C1QTNF3: variants seen among roughly 807,000 people sequenced by gnomAD.
The protein encoded by C1QTNF3 is complement C1q tumor necrosis factor-related protein 3.
In C1QTNF3, 26 loss-of-function variants were observed where a neutral mutation model predicts 32.6. The observed-to-expected ratio is 0.80, with a 90% CI of 0.58 to 1.11. The LOEUF (loss-of-function observed/expected upper bound fraction) is 1.11, where lower values mean the gene tolerates loss of function less well. Among genes scored for constraint, C1QTNF3 ranks in the 50% least tolerant of loss-of-function variants. C1QTNF3 has a pLI of 0.00. For missense variants in C1QTNF3, 362 were observed against 398.2 expected, an observed-to-expected ratio of 0.91 and a Z score of 0.77; for synonymous variants, 155 against 146.0, an observed-to-expected ratio of 1.06 and a Z score of -0.44.
chr5:34,217,197 AT>A, the C1QTNF3 span, among the ~76,000 whole-genome samples: 1 of 152,164 alleles, frequency 6.6e-6, no homozygotes, highest in Non-Finnish European at 1.5e-5. Flanking sequence ...TATTAACTTG[AT>A]GAATACAATT....
rs1406281764 is a variant in C1QTNF3, at chr5:34,018,755, G to A, written c.*1828C>T. Among the ~76,000 whole-genome samples the A allele has an allele frequency of 6.6e-6, 1 of 152,120 alleles. No homozygotes were observed. Among genetic ancestry groups the A allele is most frequent in the Non-Finnish European group, 1.5e-5 (1 of 68,026 alleles). ...GAAAATTACCAAGGCTGATCATTAT[G>A]TGAAACAGTTCTACACCATATTACA... On this transcript the variant is annotated 3_prime_UTR_variant, in exon 6 of 6. Coordinates refer to ENST00000382065, the MANE Select transcript of C1QTNF3 (RefSeq NM_181435.6).
At chr5:34,063,940 C>T in the C1QTNF3 span, among the ~76,000 whole-genome samples, 1 of 152,166 alleles carries the variant, frequency 6.6e-6, no homozygotes, top group Non-Finnish European at 1.5e-5. Flanking sequence ...GCATGGGCGA[C>T]TGTTAAGTAG....
the C1QTNF3 span, among the ~76,000 whole-genome samples, chr5:34,130,430 T>C: frequency 6.6e-6 from 1 of 151,232 alleles, no homozygotes; most frequent in Non-Finnish European, 1.5e-5. Flanking sequence ...AAGAACACTT[T>C]GCCCTGGAGC....
chr5:34,134,305 T>C, the C1QTNF3 span, among the ~76,000 whole-genome samples: 1 of 152,050 alleles, frequency 6.6e-6, no homozygotes, highest in East Asian at 1.9e-4. Context: ...TGCACAGTCA[T>C]AACATCTATA....
the C1QTNF3 span, among the ~76,000 whole-genome samples, chr5:34,221,540 CCAGT>C: frequency 1.3e-5 from 2 of 152,006 alleles, no homozygotes; most frequent in South Asian, 4.1e-4. Flanking sequence ...GAAATGGCTG[CCAGT>C]CAATGTTACA....
chr5:34,162,926 C>T, the C1QTNF3 span, among the ~76,000 whole-genome samples: 1 of 152,058 alleles, frequency 6.6e-6, no homozygotes, highest in Non-Finnish European at 1.5e-5. Flanking sequence ...AATTTCAATG[C>T]TACAGAGAAG....
the C1QTNF3 span, among the ~76,000 whole-genome samples, chr5:34,132,435 G>GTATATATATATATATATATATATATATA: frequency 2.2e-5 from 3 of 137,732 alleles, no homozygotes; most frequent in Non-Finnish European, 4.6e-5. Flanking sequence ...GTATGTGTAT[G>GTATATATATATATATATATATATATATA]TATATATATA....
At chr5:34,146,380 C>A in the C1QTNF3 span, among the ~76,000 whole-genome samples, 1 of 152,152 alleles carries the variant, frequency 6.6e-6, no homozygotes, top group African/African-American at 2.4e-5. Context: ...GTAAATAGAA[C>A]AAATCCAGGG....
the C1QTNF3 span, among the ~76,000 whole-genome samples, chr5:34,128,131 G>A: frequency 6.6e-6 from 1 of 152,328 alleles, no homozygotes; most frequent in South Asian, 2.1e-4. Flanking sequence ...AGCAGCTCCA[G>A]CTCCAGCCAT....
At chr5:34,220,147 A>T in the C1QTNF3 span, among the ~76,000 whole-genome samples, 9 of 152,120 alleles carry the variant, frequency 5.9e-5, no homozygotes, top group Admixed American at 5.9e-4. Flanking sequence ...TACACAAAGC[A>T]AACAACTTAT....
chr5:34,142,506 G>A, the C1QTNF3 span, among the ~76,000 whole-genome samples: 1 of 151,448 alleles, frequency 6.6e-6, no homozygotes, highest in African/African-American at 2.4e-5. Context: ...CCAAGGACCA[G>A]AAGTTGACCT....
the C1QTNF3 span, chr5:34,164,683 C>T: frequency 6.6e-4 from 101 of 152,016 alleles, no homozygotes; most frequent in African/African-American, 2.4e-3. Context: ...ATGGAAGAGA[C>T]AGACTAACAC....
intron 1 of C1QTNF3, among the ~76,000 whole-genome samples, chr5:34,041,961 A>G (rs1421273362): frequency 2.0e-5 from 3 of 150,934 alleles, no homozygotes; most frequent in Admixed American, 1.3e-4. Context: ...CAAATATCAT[A>G]TAACTCAAAG....
chr5:34,081,056 G>A, the C1QTNF3 span, among the ~76,000 whole-genome samples: 1 of 151,694 alleles, frequency 6.6e-6, no homozygotes, highest in Non-Finnish European at 1.5e-5. Flanking sequence ...CTTTCCTTTT[G>A]TGATTGTGGG....
At chr5:34,040,954 T>C (rs375682025) in intron 1 of C1QTNF3, among the ~76,000 whole-genome samples, 1 of 152,330 alleles carries the variant, frequency 6.6e-6, no homozygotes, top group East Asian at 1.9e-4. Context: ...TGGCATTTAA[T>C]TAAACTTAAT....
chr5:34,020,745 G>A lies in C1QTNF3; in HGVS notation c.801-3C>T, dbSNP rs780068797. 3.7e-6 allele frequency: 6 copies of A among 1,606,054 alleles called. No individual in the cohort carries two copies. The highest frequency in any genetic ancestry group is 5.1e-6 in the Non-Finnish European group (6 of 1,175,942). ...CTGATTTGCCCTTCATTTCATAGCT[G>A]GAAAGAAAAAGAGGAACAAACTACT... is the stretch of plus-strand genomic sequence containing the variant. On this transcript the variant is annotated splice_region_variant and splice_polypyrimidine_tract_variant and intron_variant, in intron 5 of 5. Coordinates refer to ENST00000382065, the MANE Select transcript of C1QTNF3 (RefSeq NM_181435.6).
chr5:34,134,314 T>C, the C1QTNF3 span, among the ~76,000 whole-genome samples: 8 of 152,106 alleles, frequency 5.3e-5, no homozygotes, highest in South Asian at 2.1e-4. Flanking sequence ...ATAACATCTA[T>C]ACAAGTATTT....
chr5:34,161,789 T>C, the C1QTNF3 span, among the ~76,000 whole-genome samples: 2 of 152,166 alleles, frequency 1.3e-5, no homozygotes, highest in African/African-American at 2.4e-5. Flanking sequence ...CTATAAATTA[T>C]ATACAATGAC....
the C1QTNF3 span, among the ~76,000 whole-genome samples, chr5:34,197,950 C>T: frequency 6.6e-6 from 1 of 151,384 alleles, no homozygotes; most frequent in Non-Finnish European, 1.5e-5. Flanking sequence ...GGGCACTAAT[C>T]CCCGGCTGGG....
Sources: gnomAD v4.1 joint callset for allele counts (sites outside exome capture counted in the v4.1 genomes callset) on GRCh38, gnomAD v4.1.1 for gene constraint, MANE v1.5 for transcripts, NCBI Gene and HGNC (gene_info 2026-07-23, HGNC 2026-07-21) for gene names.